The following LHFPL3 variants were observed in gnomAD, a reference collection of about 807,000 sequenced individuals.
LHFPL3 encodes LHFPL tetraspan subfamily member 3, also known as LHFPL tetraspan subfamily member 3 protein.
In LHFPL3, 5 loss-of-function variants were observed where a neutral mutation model predicts 19.3. The ratio of observed to expected loss-of-function variants is 0.26; its 90% CI spans 0.14 to 0.54. The LOEUF (loss-of-function observed/expected upper bound fraction) is 0.54. LHFPL3 is among the 20% of genes least tolerant of loss of function. The pLI, the probability that LHFPL3 is intolerant of heterozygous loss-of-function variation, is 0.94. For missense variants in LHFPL3, 249 were observed against 307.4 expected, an observed-to-expected ratio of 0.81 and a Z score of 1.42; for synonymous variants, 133 against 126.2, an observed-to-expected ratio of 1.05 and a Z score of -0.36.
chr7:104,435,871 AT>A (rs951409252), intron 1 of LHFPL3, among the ~76,000 whole-genome samples: 3 of 151,860 alleles, frequency 2.0e-5, no homozygotes, highest in Non-Finnish European at 4.4e-5. Context: ...GTTCCTTTTG[AT>A]TTTCAAGCTG....
At chr7:104,756,343 A>G (rs938048876) in intron 2 of LHFPL3, among the ~76,000 whole-genome samples, 11 of 152,228 alleles carry the variant, frequency 7.2e-5, no homozygotes, top group African/African-American at 2.4e-4. Context: ...AGAGTCTGGC[A>G]TCTATAAAAT....
intron 1 of LHFPL3, among the ~76,000 whole-genome samples, chr7:104,356,327 G>A (rs889659222): frequency 6.6e-6 from 1 of 152,104 alleles, no homozygotes; most frequent in Non-Finnish European, 1.5e-5. Flanking sequence ...CCAAAGAAAG[G>A]GGTAACAACT....
At chr7:104,834,526 G>A (rs1210431180) in intron 2 of LHFPL3, among the ~76,000 whole-genome samples, 1 of 151,888 alleles carries the variant, frequency 6.6e-6, no homozygotes, top group Admixed American at 6.6e-5. Context: ...TATGTCAGTG[G>A]GGTCTAGCTA....
Position 104,814,885 on chromosome 7 carries a change from C to T in LHFPL3, c.682+77974C>T, listed in dbSNP as rs370077669. Among the ~76,000 whole-genome samples the T allele has an allele frequency of 1.3e-4, 20 of 152,332 alleles. No homozygotes were observed. The East Asian group carries it at 3.7e-3, about 28-fold the overall frequency. On this transcript the variant is annotated intron_variant, in intron 2 of 2. Coordinates refer to ENST00000424859, the MANE Select transcript of LHFPL3 (RefSeq NM_199000.3). ...GTGCCGACAGCAGGGAGAAACCAGG[C>T]GGCGGGAGCAGGCACTTTCAAGCCT...
At chr7:104,879,742 G>A (rs1792012632) in intron 2 of LHFPL3, among the ~76,000 whole-genome samples, 1 of 152,224 alleles carries the variant, frequency 6.6e-6, no homozygotes, top group African/African-American at 2.4e-5. Flanking sequence ...AGCAAATGCT[G>A]ATGGAGAAAC....
chr7:104,678,337 C>T (rs1455457584), intron 1 of LHFPL3, among the ~76,000 whole-genome samples: 1 of 152,122 alleles, frequency 6.6e-6, no homozygotes, highest in Non-Finnish European at 1.5e-5. Context: ...TAAACAGCAC[C>T]CCTTACCAAA....
chr7:104,408,663 C>G (rs867707972), intron 1 of LHFPL3, among the ~76,000 whole-genome samples: 16 of 152,148 alleles, frequency 1.1e-4, no homozygotes, highest in African/African-American at 3.6e-4. Flanking sequence ...CTGGTAGAGT[C>G]TATGTCAGAA....
chr7:104,536,778 A>C (rs1794396537), intron 1 of LHFPL3, among the ~76,000 whole-genome samples: 1 of 152,236 alleles, frequency 6.6e-6, no homozygotes, highest in Non-Finnish European at 1.5e-5. Flanking sequence ...TAAAAAATTA[A>C]GCTTGCATTT....
intron 2 of LHFPL3, among the ~76,000 whole-genome samples, chr7:104,880,813 T>C (rs1792035980): frequency 6.6e-6 from 1 of 152,202 alleles, no homozygotes; most frequent in South Asian, 2.1e-4. Flanking sequence ...GTTAATCCAA[T>C]GTCCATTCTG....
intron 1 of LHFPL3, among the ~76,000 whole-genome samples, chr7:104,535,111 CTACCACCAGATGTTTTAGGTA>C (rs1794368307): frequency 6.6e-6 from 1 of 152,164 alleles, no homozygotes; most frequent in Non-Finnish European, 1.5e-5. Flanking sequence ...TTCATTACTG[CTACCACCAGATGTTTTAGGTA>C]TACATATTTC....
Position 104,879,803 on chromosome 7 carries a change from C to A in LHFPL3, c.683-26384C>A, listed in dbSNP as rs118163448. On this transcript the variant is annotated intron_variant, in intron 2 of 2. Transcript: ENST00000424859. Reference sequence around the variant, plus strand: ...GCTAATACTGATGAACGTGGCTACACCAAATAACAGATTTTCGTGTAGACA... The same window carrying A: ...GCTAATACTGATGAACGTGGCTACAACAAATAACAGATTTTCGTGTAGACA... Among the ~76,000 whole-genome samples, 445 of 152,326 alleles carry A rather than the reference C, an allele frequency of 2.9e-3. 13 individuals carry two copies. In the East Asian group the frequency reaches 0.044, roughly 15 times the overall value.
chr7:104,715,285 G>T (rs1188869209), intron 1 of LHFPL3, among the ~76,000 whole-genome samples: 1 of 152,186 alleles, frequency 6.6e-6, no homozygotes, highest in East Asian at 1.9e-4. Context: ...TTGAGTAAGG[G>T]AAAGGAGTTC....
intron 1 of LHFPL3, among the ~76,000 whole-genome samples, chr7:104,648,265 T>A (rs1479757787): frequency 6.6e-6 from 1 of 152,208 alleles, no homozygotes; most frequent in African/African-American, 2.4e-5. Context: ...ATCACAGCTA[T>A]GGGTACTGTT....
At chr7:104,350,050 A>G (rs1379014681) in intron 1 of LHFPL3, among the ~76,000 whole-genome samples, 2 of 152,170 alleles carry the variant, frequency 1.3e-5, no homozygotes, top group Non-Finnish European at 2.9e-5. Flanking sequence ...GTGTATTATT[A>G]TTATTATTCC....
chr7:104,359,667 A>G (rs1790353924), intron 1 of LHFPL3, among the ~76,000 whole-genome samples: 1 of 152,220 alleles, frequency 6.6e-6, no homozygotes, highest in Admixed American at 6.5e-5. Flanking sequence ...TCCACAGTCT[A>G]GCGGGGAGGA....
chr7:104,624,291 C>T lies in LHFPL3; in HGVS notation c.446-112384C>T, dbSNP rs1223607316. On this transcript the variant is annotated intron_variant, in intron 1 of 2. Coordinates refer to ENST00000424859, the MANE Select transcript of LHFPL3 (RefSeq NM_199000.3). Reference sequence around the variant, plus strand: ...CCATGCCCAGAAACCCAGTTCTCGGCGAAGTAGTCAATATTGAGAATCAGA... The same window carrying T: ...CCATGCCCAGAAACCCAGTTCTCGGTGAAGTAGTCAATATTGAGAATCAGA... 2.0e-5 allele frequency among the ~76,000 whole-genome samples: 3 copies of T among 152,124 alleles called. No individual in the cohort carries two copies. The East Asian group carries it at 5.8e-4, about 29-fold the overall frequency.
chr7:104,350,471 G>T (rs1280602733), intron 1 of LHFPL3, among the ~76,000 whole-genome samples: 1 of 152,210 alleles, frequency 6.6e-6, no homozygotes, highest in African/African-American at 2.4e-5. Flanking sequence ...TCTATGAGTT[G>T]ATATTAACCA....
At chr7:104,668,468 C>T (rs1336466731) in intron 1 of LHFPL3, 33 of 1,612,062 alleles carry the variant, frequency 2.0e-5, no homozygotes, top group Non-Finnish European at 2.7e-5. Context: ...ATCGGGATGG[C>T]CCACGCCGGG....
chr7:104,439,239 C>A (rs940593935), intron 1 of LHFPL3, among the ~76,000 whole-genome samples: 1 of 152,090 alleles, frequency 6.6e-6, no homozygotes, highest in South Asian at 2.1e-4. Flanking sequence ...GCCACTGTGC[C>A]CAGCCCTACA....
Sources: gnomAD v4.1 joint callset for allele counts (sites outside exome capture counted in the v4.1 genomes callset) on GRCh38, gnomAD v4.1.1 for gene constraint, MANE v1.5 for transcripts, NCBI Gene and HGNC (gene_info 2026-07-23, HGNC 2026-07-21) for gene names.